Variants in MANBA observed in about 807,000 individuals in gnomAD.
The protein encoded by MANBA is mannosidase beta, also known as beta-mannosidase.
In MANBA, 83 loss-of-function variants were observed where a neutral mutation model predicts 111.1. That is an observed-to-expected ratio of 0.75 (90% CI 0.63 to 0.90). The LOEUF is 0.90. Among genes scored for constraint, MANBA ranks in the 40% least tolerant of loss-of-function variants. The probability of loss-of-function intolerance (pLI) is 0.00; values close to 1 mark genes in which losing one functional copy is unlikely to be tolerated. For missense variants in MANBA, 1,036 were observed against 1,069.0 expected (o/e 0.97, Z 0.43); for synonymous variants, 370 against 378.7 (o/e 0.98, Z 0.27).
Position 102,665,588 on chromosome 4 carries a change from T to C in MANBA, c.1318-736A>G, listed in dbSNP as rs1369598312. ...CCTGAAAACCGTGCCACACGAGGCC[T>C]GCATAAACTGAGCTCATCTGGGCTG... is the stretch of plus-strand genomic sequence containing the variant. On this transcript the variant is annotated intron_variant, in intron 10 of 16. Coordinates refer to ENST00000647097, the MANE Select transcript of MANBA (RefSeq NM_005908.4). 4 of 152,312 alleles carry C rather than the reference T, an allele frequency of 2.6e-5. No homozygotes were observed. The East Asian group carries it at 5.8e-4, about 22-fold the overall frequency. 9.4% of individuals were successfully genotyped at this position (152,312 alleles called of 1,614,324 possible).
intron 10 of MANBA, chr4:102,665,215 T>C (rs1037792857): frequency 1.7e-5 from 4 of 235,432 alleles, no homozygotes; most frequent in Non-Finnish European, 2.5e-5. Flanking sequence ...GGAGACATTA[T>C]ATTTTGGGGA....
chr4:102,723,385 G>C (rs1436067478), intron 3 of MANBA, among the ~76,000 whole-genome samples: 2 of 152,164 alleles, frequency 1.3e-5, no homozygotes, highest in Non-Finnish European at 2.9e-5. Context: ...GAACTGCCAA[G>C]GGTTTCCTAG....
At chr4:102,746,038 TC>T (rs1463468781) in intron 1 of MANBA, among the ~76,000 whole-genome samples, 1 of 152,174 alleles carries the variant, frequency 6.6e-6, no homozygotes, top group Non-Finnish European at 1.5e-5. Flanking sequence ...CACTGTTGCC[TC>T]CAGGCAGCGC....
At chr4:102,662,172 A>G (rs1730986333) in intron 11 of MANBA, among the ~76,000 whole-genome samples, 1 of 152,214 alleles carries the variant, frequency 6.6e-6, no homozygotes, top group South Asian at 2.1e-4. Context: ...ATGTGTAAGT[A>G]TCTGAAGATC....
chr4:102,653,797 G>A (rs1377668320), intron 12 of MANBA, among the ~76,000 whole-genome samples: 1 of 152,116 alleles, frequency 6.6e-6, no homozygotes, highest in Non-Finnish European at 1.5e-5. Context: ...AATTATTATA[G>A]ATTTAAGGAA....
chr4:102,651,893 T>TA (rs1203832078), intron 12 of MANBA, among the ~76,000 whole-genome samples: 3 of 152,244 alleles, frequency 2.0e-5, no homozygotes, highest in Non-Finnish European at 2.9e-5. Flanking sequence ...GCACACTTTT[T>TA]AGACACACAT....
In MANBA at chr4:102,634,987, A is replaced by G. The variant is rs1200096248; in HGVS notation, c.2216T>C (p.Phe739Ser). 2 of 1,614,214 alleles carry G rather than the reference A, an allele frequency of 1.2e-6. No homozygotes were observed. Among genetic ancestry groups the G allele is most frequent in the Admixed American group, 3.3e-5 (2 of 60,036 alleles). ...EPVCSRVTERFVMKGGEAVCL... is the reference protein window; with the variant it reads ...EPVCSRVTERSVMKGGEAVCL... Reference sequence around the variant, plus strand: ...GACAGCCTCTCCTCCTTTCATCACAAAACGTTCAGTCACACGAGAGCACAC... The same window carrying G: ...GACAGCCTCTCCTCCTTTCATCACAGAACGTTCAGTCACACGAGAGCACAC... The change falls in exon 16 of 17, where the codon TTT becomes TCT. Residue 739 changes from phenylalanine to serine, a missense_variant. Coordinates refer to ENST00000647097, the MANE Select transcript of MANBA (RefSeq NM_005908.4).
intron 7 of MANBA, among the ~76,000 whole-genome samples, chr4:102,676,035 C>A (rs1225151442): frequency 6.6e-6 from 1 of 151,992 alleles, no homozygotes; most frequent in Non-Finnish European, 1.5e-5. Flanking sequence ...TCTGAGGATG[C>A]TGAAAAAAGT....
intron 7 of MANBA, among the ~76,000 whole-genome samples, chr4:102,680,693 A>AT (rs1269437350): frequency 2.0e-5 from 3 of 152,184 alleles, no homozygotes; most frequent in Non-Finnish European, 4.4e-5. Flanking sequence ...AATTTCTTTG[A>AT]TTTTTGCATG....
At position 102,726,646 on chromosome 4, in the gene MANBA, CATCTGTAGTTAAGGTCATTAA is replaced by C. The variant is rs1300919851; in HGVS notation, c.194_214del (p.Phe65_Arg71del). On this transcript the variant is annotated inframe_deletion, in exon 2 of 17. Coordinates refer to ENST00000647097, the MANE Select transcript of MANBA (RefSeq NM_005908.4). The stretch of plus-strand genomic sequence containing the variant: ...ATAGGTCCAGTTATCCAAAGAGACC[CATCTGTAGTTAAGGTCATTAA>C]ATCTGTAGTAAGAATCCTGTTGATA... The C allele has an allele frequency of 6.4e-7, 1 of 1,574,342 alleles. No homozygotes were observed. The highest frequency in any genetic ancestry group is 8.7e-7 in the Non-Finnish European group (1 of 1,144,566).
intron 7 of MANBA, among the ~76,000 whole-genome samples, chr4:102,677,660 T>C (rs1263629155): frequency 1.3e-5 from 2 of 152,174 alleles, no homozygotes; most frequent in Non-Finnish European, 2.9e-5. Context: ...TTTTCCCTTT[T>C]CCAAGTACAT....
At chr4:102,742,165 A>G (rs58270587) in intron 1 of MANBA, among the ~76,000 whole-genome samples, 12,063 of 152,206 alleles carry the variant, frequency 0.079, 1,264 homozygotes, top group African/African-American at 0.25. Context: ...TTCTTAGCCC[A>G]CTGACTTAAA....
intron 1 of MANBA, among the ~76,000 whole-genome samples, chr4:102,739,143 T>C (rs1462796389): frequency 2.0e-5 from 3 of 152,070 alleles, no homozygotes; most frequent in Non-Finnish European, 4.4e-5. Flanking sequence ...ACCACAGAAA[T>C]ACAAAAGATC....
In MANBA at chr4:102,760,959, G is replaced by A; in HGVS notation, c.-65C>T. On this transcript the variant is annotated 5_prime_UTR_variant, in exon 1 of 17. Coordinates refer to ENST00000647097, the MANE Select transcript of MANBA (RefSeq NM_005908.4). ...GGCAGCGCTGCAAGGGACCGGCGGT[G>A]AAGCCACTCACCCCCTCGGAAGTAG... The A allele has an allele frequency of 1.4e-6, 2 of 1,452,802 alleles. No individual in the cohort carries two copies. Among genetic ancestry groups the A allele is most frequent in the Non-Finnish European group, 9.3e-7 (1 of 1,072,226 alleles). 90.0% of individuals were successfully genotyped at this position (1,452,802 alleles called of 1,614,324 possible).
chr4:102,658,116 T>A (rs1027564872), intron 11 of MANBA, among the ~76,000 whole-genome samples: 2 of 152,244 alleles, frequency 1.3e-5, no homozygotes, highest in Non-Finnish European at 2.9e-5. Context: ...ACTTAGCTCA[T>A]CCCTCACAGC....
chr4:102,701,656 A>T (rs1376436752), intron 5 of MANBA, among the ~76,000 whole-genome samples: 4 of 151,724 alleles, frequency 2.6e-5, no homozygotes, highest in African/African-American at 9.7e-5. Flanking sequence ...TGGGTTGAAA[A>T]TTCTTTTCTT....
chr4:102,745,681 C>CT (rs1174537088), intron 1 of MANBA, among the ~76,000 whole-genome samples: 8 of 152,184 alleles, frequency 5.3e-5, no homozygotes, highest in African/African-American at 1.9e-4. Context: ...CCATTAAAAC[C>CT]TTTTTTAACT....
intron 8 of MANBA, chr4:102,672,272 C>A (rs1731530133): frequency 2.6e-6 from 1 of 390,604 alleles, no homozygotes; most frequent in East Asian, 3.7e-5. Context: ...CACATTTATA[C>A]ATTTGTAAAT....
At chr4:102,682,844 C>T (rs1311701518) in intron 7 of MANBA, 2 of 152,154 alleles carry the variant, frequency 1.3e-5, no homozygotes, top group Non-Finnish European at 2.9e-5. Flanking sequence ...AGGAACACAG[C>T]TCTGCCGACA....
Sources: allele counts gnomAD v4.1 joint callset (sites outside exome capture counted in the v4.1 genomes callset), GRCh38; gene constraint gnomAD v4.1.1; transcripts MANE v1.5; gene names NCBI Gene and HGNC (gene_info 2026-07-23, HGNC 2026-07-21).